AQR: variants seen among roughly 807,000 people sequenced by gnomAD.
AQR encodes aquarius intron-binding spliceosomal factor, also known as RNA helicase aquarius.
AQR carries 61 observed loss-of-function variants against 180.5 expected under a neutral mutation model. The observed-to-expected ratio is 0.34, with a 90% CI of 0.28 to 0.42. The LOEUF is 0.42. Among genes scored for constraint, AQR ranks in the 10% least tolerant of loss-of-function variants. The pLI is 1.00. For missense variants in AQR, 1,281 were observed against 1,798.3 expected (o/e 0.71, Z 5.20); for synonymous variants, 551 against 588.8 (o/e 0.94, Z 0.93).
rs114454718 is a variant in AQR, at chr15:34,906,780, C to T, written c.1664-68G>A. ...GTTTTCAGTCTTTTGTAGGCAAATT[C>T]TTATTTGCCTCTCTACCTCTTATCT... On this transcript the variant is annotated intron_variant, in intron 17 of 34. Coordinates refer to ENST00000156471, the MANE Select transcript of AQR (RefSeq NM_014691.3). The T allele has an allele frequency of 3.6e-3, 5,240 of 1,467,734 alleles. 135 individuals are homozygous for T. The African/African-American group carries it at 0.059, about 16-fold the overall frequency. 90.9% of individuals were successfully genotyped at this position (1,467,734 alleles called of 1,614,324 possible).
At chr15:34,882,464 T>TAA (rs1566981523) in intron 27 of AQR, 38 bp downstream of exon 27, 2 of 796,382 alleles carry the variant, frequency 2.5e-6, no homozygotes, top group South Asian at 3.4e-5. Flanking sequence ...TCTGATAATC[T>TAA]TAAAAAAAAA....
rs751830583 is a variant in AQR at position 34,893,652 on chromosome 15, C to G, written c.2571+11G>C. On this transcript the variant is annotated intron_variant, in intron 23 of 34. Coordinates refer to ENST00000156471, the MANE Select transcript of AQR (RefSeq NM_014691.3). ...ACACACACACACACACACACACACA[C>G]AGTCATTTACCTGATTGGAATGAGT... 6.7e-5 allele frequency: 106 copies of G among 1,570,568 alleles called. No individual in the cohort carries two copies. The highest frequency in any genetic ancestry group is 1.3e-4 in the Admixed American group (8 of 59,412).
intron 32 of AQR, 188 bp from the exon 33 acceptor site, chr15:34,863,229 T>C (rs917174411): frequency 3.8e-6 from 2 of 526,066 alleles, no homozygotes; most frequent in Non-Finnish European, 6.5e-6. Context: ...GTTAAGGCTT[T>C]ATTACTAACC....
chr15:34,969,560 G>A lies in AQR; in HGVS notation c.54C>T (p.Ile18=), dbSNP rs1305780176. The A allele has an allele frequency of 3.1e-6, 5 of 1,613,714 alleles. No individual in the cohort carries two copies. Among genetic ancestry groups the A allele is most frequent in the Non-Finnish European group, 3.4e-6 (4 of 1,180,022 alleles). ...KKIVAPTVSQ[I]NAEFVTQLAC... The stretch of plus-strand genomic sequence containing the variant: ...TCACCTGGGTCACGAACTCCGCATT[G>A]ATTTGGGACACCGTAGGGGCCACGA... Residue 18 remains isoleucine, a synonymous_variant, in exon 1 of 35, where the codon ATC becomes ATT. Coordinates refer to ENST00000156471, the MANE Select transcript of AQR (RefSeq NM_014691.3).
At chr15:34,952,029 C>T (rs760714093) in intron 4 of AQR, among the ~76,000 whole-genome samples, 10 of 152,176 alleles carry the variant, frequency 6.6e-5, no homozygotes, top group Non-Finnish European at 1.5e-4. Context: ...TAATAAATTT[C>T]AATTTCCCTC....
At chr15:34,948,784 T>A in intron 4 of AQR, among the ~76,000 whole-genome samples, 1 of 144,888 alleles carries the variant, frequency 6.9e-6, no homozygotes, top group Non-Finnish European at 1.5e-5. Flanking sequence ...CCAACAGAGC[T>A]AGACTCCATC....
At chr15:34,863,696 G>A (rs1892702240) in intron 32 of AQR, among the ~76,000 whole-genome samples, 3 of 152,072 alleles carry the variant, frequency 2.0e-5, no homozygotes, top group South Asian at 4.1e-4. Flanking sequence ...TAAACTGAAT[G>A]ATCAAACTAC....
At chr15:34,892,575 A>C (rs986509425) in intron 23 of AQR, among the ~76,000 whole-genome samples, 2 of 152,214 alleles carry the variant, frequency 1.3e-5, no homozygotes, top group Non-Finnish European at 2.9e-5. Flanking sequence ...ATAAGCAGTG[A>C]TAATCCAAGA....
chr15:34,900,606 C>A lies in AQR; in HGVS notation c.2243+16G>T. 2 of 1,610,560 alleles carry A rather than the reference C, an allele frequency of 1.2e-6. No individual in the cohort carries two copies. The highest frequency in any genetic ancestry group is 1.7e-6 in the Non-Finnish European group (2 of 1,177,980). Reference sequence around the variant, plus strand: ...TACAGAATGCTGGAGAGGAGCGTACCCAGTTCTGACTTTACCTGAAAGGGG... The same window carrying A: ...TACAGAATGCTGGAGAGGAGCGTACACAGTTCTGACTTTACCTGAAAGGGG... On this transcript the variant is annotated intron_variant, in intron 20 of 34. Transcript: ENST00000156471.
intron 26 of AQR, 101 bp downstream of exon 26, chr15:34,884,423 CA>C: frequency 9.0e-7 from 1 of 1,116,108 alleles, no homozygotes; most frequent in African/African-American, 1.7e-5. Context: ...AACAAAAAAA[CA>C]AAAAAACAAA....
chr15:34,868,127 T>A (rs948099109), intron 31 of AQR: 2 of 153,102 alleles, frequency 1.3e-5, no homozygotes, highest in Non-Finnish European at 2.9e-5. Context: ...GCCCAGGAGT[T>A]AAAGACCAGC....
intron 11 of AQR, among the ~76,000 whole-genome samples, chr15:34,931,644 T>C (rs1893861879): frequency 6.6e-6 from 1 of 152,112 alleles, no homozygotes; most frequent in African/African-American, 2.4e-5. Context: ...CTGTCTCTAC[T>C]AAAAATACAA....
chr15:34,865,596 A>G (rs1487776881), intron 32 of AQR, among the ~76,000 whole-genome samples: 1 of 152,238 alleles, frequency 6.6e-6, no homozygotes, highest in Non-Finnish European at 1.5e-5. Context: ...TGTTCACATA[A>G]AAATTGTATA....
chr15:34,929,036 G>C (rs972291473), intron 12 of AQR, among the ~76,000 whole-genome samples: 1 of 151,942 alleles, frequency 6.6e-6, no homozygotes, highest in African/African-American at 2.4e-5. Flanking sequence ...CTTTTTGATG[G>C]GGTTGTTTTT....
intron 1 of AQR, among the ~76,000 whole-genome samples, chr15:34,966,026 T>C (rs1302657409): frequency 1.3e-5 from 2 of 152,192 alleles, no homozygotes; most frequent in African/African-American, 4.8e-5. Flanking sequence ...ATGTCTCAAA[T>C]ATCACGATCT....
chr15:34,955,180 T>C (rs1894290846), intron 3 of AQR, among the ~76,000 whole-genome samples: 1 of 152,144 alleles, frequency 6.6e-6, no homozygotes, highest in East Asian at 1.9e-4. Context: ...ATCACAAATA[T>C]AAATAATTTG....
chr15:34,940,933 T>G lies in AQR; in HGVS notation c.607A>C (p.Asn203His), dbSNP rs1427764287. 6.2e-7 allele frequency: 1 copy of G among 1,610,142 alleles called. No individual in the cohort carries two copies. The highest frequency in any genetic ancestry group is 1.3e-5 in the African/African-American group (1 of 74,712). Residue 203 changes from asparagine to histidine, a missense_variant, in exon 8 of 35, where the codon AAT (asparagine) becomes CAT (histidine). By Grantham distance (68) the Asn-to-His change is moderately conservative. This residue lies in a region of AQR where 404 missense variants were observed against 490.9 expected (regional missense o/e 0.82). Coordinates refer to ENST00000156471, the MANE Select transcript of AQR (RefSeq NM_014691.3). Reference protein sequence around the residue: ...LRKFWNLIKKNDEKMDPEARE... With the variant: ...LRKFWNLIKKHDEKMDPEARE... ...GCTTCTGGATCCATCTTTTCATCAT[T>G]CTTTTTAATCAAGTTCCAGAATTTT...
intron 27 of AQR, among the ~76,000 whole-genome samples, chr15:34,876,494 T>C (rs963734845): frequency 6.6e-6 from 1 of 152,064 alleles, no homozygotes; most frequent in Non-Finnish European, 1.5e-5. Flanking sequence ...AGCATGTCAA[T>C]TTTACCTTCA....
intron 10 of AQR, among the ~76,000 whole-genome samples, chr15:34,932,741 G>C (rs1343684676): frequency 2.0e-5 from 3 of 152,124 alleles, no homozygotes; most frequent in African/African-American, 7.2e-5. Context: ...GATCACCTGA[G>C]GTCAGGAGTT....
Sources: allele counts gnomAD v4.1 joint callset (sites outside exome capture counted in the v4.1 genomes callset), GRCh38; gene constraint gnomAD v4.1.1; regional missense constraint gnomAD v4.1.1; transcripts MANE v1.5; gene names NCBI Gene and HGNC (gene_info 2026-07-23, HGNC 2026-07-21).